TAFA5: variants seen among roughly 807,000 people sequenced by gnomAD.
TAFA5 encodes the protein chemokine-like protein TAFA-5.
TAFA5 carries 6 observed loss-of-function variants against 15.3 expected under a neutral mutation model. That is an observed-to-expected ratio of 0.39 (90% CI 0.21 to 0.77). TAFA5 has a LOEUF of 0.77. Among genes scored for constraint, TAFA5 ranks in the 30% least tolerant of loss-of-function variants. The pLI is 0.41. For missense variants in TAFA5, 161 were observed against 193.1 expected (o/e 0.83, Z 0.98); for synonymous variants, 103 against 80.7 (o/e 1.28, Z -1.48).
chr22:48,542,751 G>A (rs1317935199), intron 1 of TAFA5, among the ~76,000 whole-genome samples: 2 of 148,518 alleles, frequency 1.3e-5, no homozygotes, highest in African/African-American at 5.0e-5. Context: ...ATGTGTACTG[G>A]TGTACTGTGG....
At chr22:48,737,007 G>A (rs1438827429) in intron 3 of TAFA5, among the ~76,000 whole-genome samples, 3 of 152,222 alleles carry the variant, frequency 2.0e-5, no homozygotes, top group African/African-American at 7.2e-5. Context: ...CTTAGGCATA[G>A]CCTGGTATTT....
At chr22:48,749,610 G>T (rs1303105035) in intron 3 of TAFA5, among the ~76,000 whole-genome samples, 2 of 152,194 alleles carry the variant, frequency 1.3e-5, no homozygotes, top group South Asian at 2.1e-4. Context: ...GCCCCTCCAG[G>T]TCGTGCACAG....
intron 1 of TAFA5, among the ~76,000 whole-genome samples, chr22:48,517,594 C>G (rs1022517704): frequency 2.6e-5 from 4 of 152,210 alleles, no homozygotes; most frequent in African/African-American, 9.6e-5. Context: ...CTCTGTCCCG[C>G]GTACGGGCAT....
intron 3 of TAFA5, among the ~76,000 whole-genome samples, chr22:48,718,385 C>T (rs191561321): frequency 5.0e-4 from 76 of 152,276 alleles, no homozygotes; most frequent in African/African-American, 1.8e-3. Context: ...AAGGTGGTGG[C>T]TGTGGTTGTG....
At chr22:48,515,707 C>T (rs188231597) in intron 1 of TAFA5, among the ~76,000 whole-genome samples, 57 of 152,300 alleles carry the variant, frequency 3.7e-4, no homozygotes, top group Middle Eastern at 6.8e-3. Context: ...GGGAGGCCCC[C>T]GGCTCCAGGC....
intron 2 of TAFA5, among the ~76,000 whole-genome samples, chr22:48,699,552 C>G (rs75081782): frequency 0.045 from 6,878 of 152,180 alleles, 455 homozygotes; most frequent in African/African-American, 0.14. Flanking sequence ...GAGCTCTGCT[C>G]TTACATACTT....
At chr22:48,691,100 C>A (rs1237647497) in intron 2 of TAFA5, among the ~76,000 whole-genome samples, 12 of 152,174 alleles carry the variant, frequency 7.9e-5, no homozygotes, top group Admixed American at 2.6e-4. Context: ...CCGCAGCGGC[C>A]GGTGAAGTCC....
intron 2 of TAFA5, among the ~76,000 whole-genome samples, chr22:48,654,145 C>T (rs61389347): frequency 6.6e-6 from 1 of 152,030 alleles, no homozygotes; most frequent in South Asian, 2.1e-4. Flanking sequence ...GGTCACCTGG[C>T]TCTGCTCCCT....
At chr22:48,739,604 A>G (rs1240677307) in intron 3 of TAFA5, among the ~76,000 whole-genome samples, 1 of 152,174 alleles carries the variant, frequency 6.6e-6, no homozygotes. Context: ...TGCTGACACA[A>G]GGTTAGACAT....
rs148329648 is a variant in TAFA5, at chr22:48,683,068, TA to T, written c.263-24648del. Among the ~76,000 whole-genome samples, 955 of 152,314 alleles carry T rather than the reference TA, an allele frequency of 6.3e-3. 7 individuals carry two copies. The highest frequency in any genetic ancestry group is 0.022 in the African/African-American group (903 of 41,560). ...CAGCTCCTTGCTTGCTTTCCACACTTACCTTCCGTTGACTTATTTAATTCTA... is the reference window on the plus strand; with the variant it reads ...CAGCTCCTTGCTTGCTTTCCACACTTCCTTCCGTTGACTTATTTAATTCTA... On this transcript the variant is annotated intron_variant, in intron 2 of 3. Transcript: ENST00000402357.
chr22:48,673,499 T>C (rs533057841), intron 2 of TAFA5, among the ~76,000 whole-genome samples: 7 of 152,158 alleles, frequency 4.6e-5, no homozygotes, highest in Non-Finnish European at 8.8e-5. Context: ...CTCTCCTAAG[T>C]TGGGGGAATG....
chr22:48,750,057 T>C lies in TAFA5; in HGVS notation c.*210T>C, dbSNP rs1930439106. 1.7e-6 allele frequency: 1 copy of C among 599,764 alleles called. No homozygotes were observed. Among genetic ancestry groups the C allele is most frequent in the Non-Finnish European group, 3.0e-6 (1 of 337,840 alleles). 37.2% of individuals were successfully genotyped at this position (599,764 alleles called of 1,614,324 possible). A position where few individuals can be genotyped will look rare whatever the true frequency, so the allele number is the denominator to read the frequency against. ...CCCGAGGAGGCCGGACTCAGACACATAGGCGGGGGGCGGCACCTGGCATCA... is the reference window on the plus strand; with the variant it reads ...CCCGAGGAGGCCGGACTCAGACACACAGGCGGGGGGCGGCACCTGGCATCA... On this transcript the variant is annotated 3_prime_UTR_variant, in exon 4 of 4. Coordinates refer to ENST00000402357, the MANE Select transcript of TAFA5 (RefSeq NM_001082967.3).
chr22:48,568,495 C>G (rs906257946), intron 1 of TAFA5, among the ~76,000 whole-genome samples: 4 of 152,184 alleles, frequency 2.6e-5, no homozygotes, highest in Non-Finnish European at 5.9e-5. Flanking sequence ...GCTGGGACAT[C>G]TCTCGGAGAT....
At chr22:48,681,656 A>G (rs1928192629) in intron 2 of TAFA5, among the ~76,000 whole-genome samples, 1 of 151,484 alleles carries the variant, frequency 6.6e-6, no homozygotes, top group Admixed American at 6.6e-5. Flanking sequence ...ATCTCCAAAA[A>G]AAAAAAAAAA....
chr22:48,660,878 C>T (rs762639513), intron 2 of TAFA5, among the ~76,000 whole-genome samples: 3 of 152,104 alleles, frequency 2.0e-5, no homozygotes, highest in East Asian at 1.9e-4. Context: ...GGGAGCACCC[C>T]GATCCGTGCC....
intron 1 of TAFA5, among the ~76,000 whole-genome samples, chr22:48,526,191 G>A (rs1441492910): frequency 6.6e-6 from 1 of 152,218 alleles, no homozygotes; most frequent in Non-Finnish European, 1.5e-5. Flanking sequence ...TGGGACTCCG[G>A]TCTGGCCTCA....
intron 2 of TAFA5, among the ~76,000 whole-genome samples, chr22:48,704,812 G>T (rs1165926710): frequency 2.3e-4 from 35 of 152,128 alleles, no homozygotes; most frequent in Non-Finnish European, 1.5e-5. Flanking sequence ...CGCATACTGA[G>T]GGGCTTAAAC....
chr22:48,621,126 C>A, intron 1 of TAFA5, among the ~76,000 whole-genome samples: 1 of 54,928 alleles, frequency 1.8e-5, no homozygotes, highest in Non-Finnish European at 3.4e-5. Context: ...CCCTATCTAT[C>A]CACCCATCCA....
intron 1 of TAFA5, among the ~76,000 whole-genome samples, chr22:48,575,947 C>T (rs1181860087): frequency 7.3e-6 from 1 of 137,760 alleles, no homozygotes. Flanking sequence ...GAGGAGGCGG[C>T]GGCGGCGGAG....
Sources: gnomAD v4.1 joint callset for allele counts (sites outside exome capture counted in the v4.1 genomes callset) on GRCh38, gnomAD v4.1.1 for gene constraint, MANE v1.5 for transcripts, NCBI Gene and HGNC (gene_info 2026-07-23, HGNC 2026-07-21) for gene names.